Variants in RMDN2 observed in about 807,000 individuals in gnomAD.
RMDN2 encodes regulator of microtubule dynamics protein 2.
RMDN2 carries 61 observed loss-of-function variants against 52.8 expected under a neutral mutation model. The ratio of observed to expected loss-of-function variants is 1.16; its 90% CI spans 0.94 to 1.43. The LOEUF is 1.43. Ranked by LOEUF, RMDN2 falls within the 40% of genes most tolerant of loss-of-function variation. The pLI, the probability that RMDN2 is intolerant of heterozygous loss-of-function variation, is 0.00. For synonymous variants in RMDN2, 180 were observed against 153.1 expected, an observed-to-expected ratio of 1.18 and a Z score of -1.30; for missense variants, 592 against 475.3, an observed-to-expected ratio of 1.25 and a Z score of -2.28.
At chr2:38,023,848 G>A (rs528779710) in intron 10 of RMDN2, among the ~76,000 whole-genome samples, 3 of 152,204 alleles carry the variant, frequency 2.0e-5, no homozygotes, top group East Asian at 1.9e-4. Context: ...AAATTTTGAC[G>A]TGTACACCCA....
chr2:37,991,701 G>A (rs1416531764), intron 7 of RMDN2, among the ~76,000 whole-genome samples: 1 of 152,036 alleles, frequency 6.6e-6, no homozygotes. Flanking sequence ...CACTATTCAC[G>A]GTTCTGTGAG....
Position 38,017,582 on chromosome 2 carries a change from C to G in RMDN2, c.*343C>G, listed in dbSNP as rs1465648414. On this transcript the variant is annotated 3_prime_UTR_variant, in exon 11 of 11. Transcript: ENST00000354545. ...TATTTTATTGTTTCAATGGAGACTT[C>G]GTAAGACAAAATAATTTCATTAATG... The G allele has an allele frequency of 1.6e-6, 2 of 1,224,672 alleles. No individual in the cohort carries two copies. Among genetic ancestry groups the G allele is most frequent in the Non-Finnish European group, 2.2e-6 (2 of 929,940 alleles). 75.9% of individuals were successfully genotyped at this position (1,224,672 alleles called of 1,614,324 possible).
chr2:38,000,747 G>T (rs1180942454), intron 8 of RMDN2, among the ~76,000 whole-genome samples: 2 of 152,164 alleles, frequency 1.3e-5, no homozygotes, highest in African/African-American at 4.8e-5. Context: ...TTAACTTACT[G>T]ATAGACATTT....
At chr2:37,975,641 G>C (rs527964266) in intron 4 of RMDN2, among the ~76,000 whole-genome samples, 2 of 152,010 alleles carry the variant, frequency 1.3e-5, no homozygotes, top group South Asian at 4.2e-4. Flanking sequence ...AACCACCGTG[G>C]CACGTGTATA....
chr2:38,015,245 T>C (rs1678588802), intron 10 of RMDN2, among the ~76,000 whole-genome samples: 1 of 152,196 alleles, frequency 6.6e-6, no homozygotes, highest in African/African-American at 2.4e-5. Context: ...AGGTGGTGAC[T>C]GAGTTCTTGA....
At chr2:37,991,922 T>A (rs1035742308) in intron 7 of RMDN2, among the ~76,000 whole-genome samples, 3 of 152,190 alleles carry the variant, frequency 2.0e-5, no homozygotes, top group African/African-American at 7.2e-5. Flanking sequence ...ATCTTAAGAA[T>A]ATGTGAAAAA....
rs563240177 is a variant in RMDN2, at chr2:38,059,495, G to A, written c.1714-7487G>A. On this transcript the variant is annotated intron_variant, in intron 10 of 10. Transcript: ENST00000234195. ...ATATCCTGGGAACTGGAGTGGGGAC[G>A]GAGACAGACAGTAAATCATCATCAA... is the stretch of plus-strand genomic sequence containing the variant. Among the ~76,000 whole-genome samples, 20 of 152,284 alleles carry A rather than the reference G, an allele frequency of 1.3e-4. No individual in the cohort carries two copies. In the South Asian group the frequency reaches 3.7e-3, roughly 28 times the overall value.
At chr2:38,046,422 G>A (rs545459168) in intron 10 of RMDN2, among the ~76,000 whole-genome samples, 1 of 152,022 alleles carries the variant, frequency 6.6e-6, no homozygotes, top group South Asian at 2.1e-4. Context: ...GATAGCAGCA[G>A]CAGAGAAAAA....
intron 10 of RMDN2, among the ~76,000 whole-genome samples, chr2:38,031,167 G>A (rs1680170416): frequency 1.3e-5 from 2 of 151,826 alleles, no homozygotes. Context: ...GCCTAGTAAG[G>A]TGCCCTGTAC....
chr2:38,048,553 T>C (rs915306494), intron 10 of RMDN2, among the ~76,000 whole-genome samples: 7 of 152,178 alleles, frequency 4.6e-5, no homozygotes, highest in African/African-American at 1.7e-4. Flanking sequence ...CCTTCTCCTG[T>C]ACAGCAGGCC....
chr2:37,992,400 A>T (rs545737216), intron 7 of RMDN2, among the ~76,000 whole-genome samples: 1 of 152,220 alleles, frequency 6.6e-6, no homozygotes, highest in Non-Finnish European at 1.5e-5. Context: ...ACAACACTCA[A>T]ATTTTTATAA....
At chr2:38,038,871 C>A (rs1361225990) in intron 10 of RMDN2, among the ~76,000 whole-genome samples, 1 of 152,008 alleles carries the variant, frequency 6.6e-6, no homozygotes, top group East Asian at 1.9e-4. Flanking sequence ...CCATCCCTGC[C>A]CTGATAGGTT....
chr2:38,025,314 G>A (rs13429556), intron 10 of RMDN2, among the ~76,000 whole-genome samples: 58,530 of 151,776 alleles, frequency 0.39, 13,673 homozygotes, highest in East Asian at 0.69. Flanking sequence ...TAGAAATGCA[G>A]TTGTGTACAC....
At chr2:37,951,426 T>C (rs768819143) in intron 2 of RMDN2, 1 of 1,612,908 alleles carries the variant, frequency 6.2e-7, no homozygotes, top group South Asian at 1.1e-5. Flanking sequence ...ATCAAGTCCA[T>C]CTTTCTCTGA....
At chr2:37,944,953 A>C (rs760119395) in intron 2 of RMDN2, among the ~76,000 whole-genome samples, 2 of 152,240 alleles carry the variant, frequency 1.3e-5, no homozygotes, top group Non-Finnish European at 2.9e-5. Flanking sequence ...AAAACAAAGG[A>C]AATAACCTAT....
rs894818915 is a variant in RMDN2, at chr2:38,047,435, A to G, written c.1714-19547A>G. ...TATAATGGAATATCATTCAACAACA[A>G]CAAAAAATGTACTACTGATACATGC... On this transcript the variant is annotated intron_variant, in intron 10 of 10. Transcript: ENST00000234195. Among the ~76,000 whole-genome samples the G allele has an allele frequency of 1.1e-4, 16 of 152,350 alleles. No individual in the cohort carries two copies. The East Asian group carries it at 3.1e-3, about 29-fold the overall frequency.
intron 1 of RMDN2, among the ~76,000 whole-genome samples, chr2:37,926,682 C>A (rs1440727948): frequency 6.6e-6 from 1 of 152,212 alleles, no homozygotes; most frequent in African/African-American, 2.4e-5. Flanking sequence ...GCCCATGCTG[C>A]TTATCCCAGC....
intron 2 of RMDN2, among the ~76,000 whole-genome samples, chr2:37,934,850 C>T (rs920215757): frequency 9.2e-5 from 14 of 152,196 alleles, no homozygotes; most frequent in African/African-American, 2.9e-4. Context: ...ATTTGACTTA[C>T]GTTGCTCTAT....
At chr2:37,931,611 G>A (rs1011489870) in intron 2 of RMDN2, among the ~76,000 whole-genome samples, 5 of 152,200 alleles carry the variant, frequency 3.3e-5, no homozygotes, top group Admixed American at 3.3e-4. Flanking sequence ...TATTCAAGAA[G>A]TTCTGAAATT....
Sources: allele counts gnomAD v4.1 joint callset (sites outside exome capture counted in the v4.1 genomes callset), GRCh38; gene constraint gnomAD v4.1.1; transcripts MANE v1.5; gene names NCBI Gene and HGNC (gene_info 2026-07-23, HGNC 2026-07-21).